The following SLC2A9 variants were observed in gnomAD, a reference collection of about 807,000 sequenced individuals.
The protein encoded by SLC2A9 is solute carrier family 2, facilitated glucose transporter member 9.
In SLC2A9, 39 loss-of-function variants were observed where a neutral mutation model predicts 50.6. The observed-to-expected ratio is 0.77, with a 90% CI of 0.60 to 1.01. SLC2A9 has a LOEUF of 1.01. Ranked by LOEUF, SLC2A9 falls within the 50% of genes least tolerant of loss-of-function variation. The probability of loss-of-function intolerance (pLI) is 0.00; values close to 1 mark genes in which losing one functional copy is unlikely to be tolerated. For synonymous variants in SLC2A9, 324 were observed against 276.9 expected, an observed-to-expected ratio of 1.17 and a Z score of -1.69; for missense variants, 686 against 677.6, an observed-to-expected ratio of 1.01 and a Z score of -0.14.
chr4:9,930,620 T>C (rs1745731191), intron 6 of SLC2A9, among the ~76,000 whole-genome samples: 1 of 152,150 alleles, frequency 6.6e-6, no homozygotes, highest in African/African-American at 2.4e-5. Flanking sequence ...GCATGCTGGA[T>C]GAAGGTAATG....
intron 2 of SLC2A9, among the ~76,000 whole-genome samples, chr4:10,011,519 G>T (rs756400156): frequency 3.9e-5 from 6 of 152,194 alleles, no homozygotes; most frequent in African/African-American, 1.4e-4. Flanking sequence ...AAAGGTCAAC[G>T]ATTACAATGG....
intron 5 of SLC2A9, among the ~76,000 whole-genome samples, chr4:9,943,323 G>A (rs1182919057): frequency 1.3e-5 from 2 of 152,196 alleles, no homozygotes; most frequent in Non-Finnish European, 2.9e-5. Flanking sequence ...TCCCTTTTCT[G>A]TATCTAATAA....
At chr4:9,823,403 C>T (rs1285612744), downstream of SLC2A9, among the ~76,000 whole-genome samples, 3 of 152,156 alleles carry the variant, frequency 2.0e-5, no homozygotes, top group Non-Finnish European at 4.4e-5. Flanking sequence ...TCGCCACTCC[C>T]CATTATATTT....
chr4:9,877,821 T>G (rs1734544214), intron 10 of SLC2A9, among the ~76,000 whole-genome samples: 1 of 152,226 alleles, frequency 6.6e-6, no homozygotes, highest in Admixed American at 6.5e-5. Flanking sequence ...CAGGCTCTTC[T>G]GGGTCTGCTG....
chr4:9,925,409 C>T (rs753498848), intron 6 of SLC2A9, among the ~76,000 whole-genome samples: 7 of 152,190 alleles, frequency 4.6e-5, no homozygotes, highest in Admixed American at 1.3e-4. Context: ...GGGAGCGCCC[C>T]CTGACCAGGG....
intron 3 of SLC2A9, chr4:9,784,144 G>A (rs1017793686): frequency 2.6e-5 from 4 of 154,526 alleles, no homozygotes; most frequent in African/African-American, 9.7e-5. Context: ...TTACAGTTTG[G>A]CCTTAAAGAT....
intron 11 of SLC2A9, among the ~76,000 whole-genome samples, chr4:9,831,799 T>C (rs1171651049): frequency 6.6e-6 from 1 of 152,194 alleles, no homozygotes; most frequent in Non-Finnish European, 1.5e-5. Flanking sequence ...AGAGAACTAG[T>C]GTGAGTGAGC....
At position 9,826,517 on chromosome 4, in the gene SLC2A9, C is replaced by A; in HGVS notation, c.1503G>T (p.Glu501Asp). Reference protein sequence around the residue: ...GAIYLYFVLPETKNRTYAEIS... With the variant: ...GAIYLYFVLPDTKNRTYAEIS... Reference sequence around the variant, plus strand: ...TTTCTGCATAGGTTCTGTTTTTGGTCTCAGGCAGCACAAAATACAGGTAGA... The same window carrying A: ...TTTCTGCATAGGTTCTGTTTTTGGTATCAGGCAGCACAAAATACAGGTAGA... The change falls in exon 12 of 12, where the codon GAG becomes GAT. Residue 501 changes from glutamate to aspartate, a missense_variant. Glu to Asp is a conservative substitution (Grantham distance 45). Coordinates refer to ENST00000264784, the MANE Select transcript of SLC2A9 (RefSeq NM_020041.3). 6.2e-7 allele frequency: 1 copy of A among 1,613,442 alleles called. No homozygotes were observed. Among genetic ancestry groups the A allele is most frequent in the South Asian group, 1.1e-5 (1 of 91,062 alleles).
chr4:10,028,462 C>T (rs915317136), intron 1 of SLC2A9, among the ~76,000 whole-genome samples: 1 of 152,196 alleles, frequency 6.6e-6, no homozygotes, highest in African/African-American at 2.4e-5. Flanking sequence ...GGTCTGCCCC[C>T]AGCCAGCTGT....
At chr4:9,968,039 C>A (rs185190536) in intron 5 of SLC2A9, among the ~76,000 whole-genome samples, 25 of 152,184 alleles carry the variant, frequency 1.6e-4, no homozygotes, top group African/African-American at 5.5e-4. Context: ...GTTAAAGCAA[C>A]AAAGTTTTCT....
intron 5 of SLC2A9, among the ~76,000 whole-genome samples, chr4:9,949,302 AT>A (rs572724439): frequency 1.3e-5 from 2 of 152,196 alleles, no homozygotes; most frequent in Non-Finnish European, 2.9e-5. Context: ...GTTGGGGAGG[AT>A]GAATGACAGC....
chr4:9,814,471 A>G (rs556266528), intron 3 of SLC2A9, among the ~76,000 whole-genome samples: 1 of 152,366 alleles, frequency 6.6e-6, no homozygotes, highest in East Asian at 1.9e-4. Flanking sequence ...GTGGGTCTGT[A>G]GTAGCCATCT....
intron 8 of SLC2A9, among the ~76,000 whole-genome samples, chr4:9,891,003 G>A (rs1197866380): frequency 6.6e-6 from 1 of 152,222 alleles, no homozygotes; most frequent in South Asian, 2.1e-4. Flanking sequence ...TCTGGGAGAA[G>A]GAACTGGATG....
chr4:9,845,709 C>G (rs1026225709), intron 10 of SLC2A9, among the ~76,000 whole-genome samples: 2 of 152,142 alleles, frequency 1.3e-5, no homozygotes, highest in Non-Finnish European at 2.9e-5. Flanking sequence ...GGATTACAGG[C>G]GTGAGCCACC....
At chr4:9,944,571 C>T (rs937410258) in intron 5 of SLC2A9, among the ~76,000 whole-genome samples, 3 of 152,114 alleles carry the variant, frequency 2.0e-5, no homozygotes, top group Non-Finnish European at 4.4e-5. Flanking sequence ...GGGCAGCCCC[C>T]GGATTGGGAT....
At chr4:9,948,398 G>T (rs1292773206) in intron 5 of SLC2A9, among the ~76,000 whole-genome samples, 1 of 152,204 alleles carries the variant, frequency 6.6e-6, no homozygotes, top group Non-Finnish European at 1.5e-5. Context: ...CTCTAATGTA[G>T]AGCTATTTGA....
intron 7 of SLC2A9, among the ~76,000 whole-genome samples, chr4:9,911,374 T>C (rs982520307): frequency 2.6e-5 from 4 of 151,870 alleles, no homozygotes; most frequent in African/African-American, 4.8e-5. Flanking sequence ...GCTGATAGAG[T>C]GGGAAGGTGA....
intron 5 of SLC2A9, among the ~76,000 whole-genome samples, chr4:9,951,425 A>G (rs942882752): frequency 6.6e-6 from 1 of 152,208 alleles, no homozygotes; most frequent in Non-Finnish European, 1.5e-5. Context: ...TAGGATAACT[A>G]AAGTTAACAA....
intron 8 of SLC2A9, among the ~76,000 whole-genome samples, chr4:9,892,672 C>G (rs1290314293): frequency 6.6e-6 from 1 of 152,178 alleles, no homozygotes; most frequent in Admixed American, 6.5e-5. Context: ...CTCACAATGC[C>G]TGAAATAGAC....
Sources: gnomAD v4.1 joint callset for allele counts (sites outside exome capture counted in the v4.1 genomes callset) on GRCh38, gnomAD v4.1.1 for gene constraint, MANE v1.5 for transcripts, NCBI Gene and HGNC (gene_info 2026-07-23, HGNC 2026-07-21) for gene names.